Variants in ENPP3 observed in about 807,000 individuals in gnomAD.
ENPP3 encodes ectonucleotide pyrophosphatase/phosphodiesterase family member 3.
ENPP3 carries 104 observed loss-of-function variants against 117.8 expected under a neutral mutation model. The ratio of observed to expected loss-of-function variants is 0.88; its 90% CI spans 0.75 to 1.04. The LOEUF (loss-of-function observed/expected upper bound fraction) is 1.04. Among genes scored for constraint, ENPP3 ranks in the 50% least tolerant of loss-of-function variants. The pLI is 0.00. For synonymous variants in ENPP3, 380 were observed against 349.9 expected, an observed-to-expected ratio of 1.09 and a Z score of -0.96; for missense variants, 1,026 against 1,051.9, an observed-to-expected ratio of 0.98 and a Z score of 0.34.
intron 11 of ENPP3, among the ~76,000 whole-genome samples, chr6:131,679,009 C>G (rs1276871137): frequency 2.1e-4 from 18 of 86,170 alleles, no homozygotes; most frequent in South Asian, 1.3e-3. Flanking sequence ...TTGCTTCCTT[C>G]CTTCCTTCCT....
intron 21 of ENPP3, among the ~76,000 whole-genome samples, chr6:131,734,320 C>T (rs1780349840): frequency 6.6e-6 from 1 of 152,178 alleles, no homozygotes; most frequent in Non-Finnish European, 1.5e-5. Flanking sequence ...CTCTTGGGAA[C>T]CTGCCAAAGC....
At chr6:131,644,949 G>T (rs1383938714) in intron 2 of ENPP3, among the ~76,000 whole-genome samples, 3 of 152,182 alleles carry the variant, frequency 2.0e-5, no homozygotes. Context: ...AAAACGTAAA[G>T]ACCATTTATG....
rs1780419386 is a variant in ENPP3, at chr6:131,737,345, T to G, written c.2090-10T>G. On this transcript the variant is annotated splice_polypyrimidine_tract_variant and intron_variant, in intron 21 of 24. Transcript: ENST00000357639. ...ATAGCTAGATCTAATAAGATCCATT[T>G]GTTTTGCAGCCAGCAATAGAACATC... 1.3e-6 allele frequency: 2 copies of G among 1,590,716 alleles called. No homozygotes were observed. Among genetic ancestry groups the G allele is most frequent in the Non-Finnish European group, 1.7e-6 (2 of 1,161,272 alleles).
chr6:131,682,925 C>A, intron 11 of ENPP3, 129 bp from the exon 12 acceptor site: 1 of 670,096 alleles, frequency 1.5e-6, no homozygotes. Flanking sequence ...TAGTGCTGGG[C>A]TCTGAGGTTC....
rs1464069846 is a variant in ENPP3 at position 131,724,774 on chromosome 6, G to GT, written c.1798+689dup. Among the ~76,000 whole-genome samples the GT allele has an allele frequency of 2.6e-5, 4 of 152,212 alleles. No homozygotes were observed. In the East Asian group the frequency reaches 7.7e-4, roughly 29 times the overall value. On this transcript the variant is annotated intron_variant, in intron 19 of 24. Coordinates refer to ENST00000357639, the MANE Select transcript of ENPP3 (RefSeq NM_005021.5). ...ATTCCATGGCATGAATAGCCTGCAG[G>GT]TTTTTTATCCATCACTAATTGATGG...
chr6:131,649,847 C>T (rs1778225159), intron 2 of ENPP3, among the ~76,000 whole-genome samples, 180 bp from the exon 3 acceptor site: 1 of 152,166 alleles, frequency 6.6e-6, no homozygotes, highest in East Asian at 1.9e-4. Context: ...TGAGCCATGG[C>T]ACCTGGCCAT....
intron 14 of ENPP3, among the ~76,000 whole-genome samples, chr6:131,692,680 G>A (rs1183084429): frequency 6.9e-6 from 1 of 144,944 alleles, no homozygotes; most frequent in African/African-American, 2.5e-5. Context: ...ATAATATATG[G>A]TTATATATAT....
intron 6 of ENPP3, among the ~76,000 whole-genome samples, chr6:131,660,630 G>C (rs1373531162): frequency 9.2e-5 from 14 of 152,222 alleles, no homozygotes; most frequent in Admixed American, 8.5e-4. Flanking sequence ...GACATATGCA[G>C]AGTTTTAGAG....
chr6:131,684,603 C>T (rs989905495), intron 12 of ENPP3, among the ~76,000 whole-genome samples: 11 of 151,486 alleles, frequency 7.3e-5, no homozygotes, highest in South Asian at 2.1e-4. Flanking sequence ...CACTTGAACC[C>T]GGGAAGTGGA....
intron 15 of ENPP3, 46 bp downstream of exon 15, chr6:131,693,670 T>G (rs1336626224): frequency 6.3e-7 from 1 of 1,579,406 alleles, no homozygotes; most frequent in South Asian, 1.1e-5. Context: ...TAATAACCAT[T>G]TGTCATTATA....
chr6:131,746,842 G>C lies in ENPP3; in HGVS notation c.2514G>C (p.Arg838=), dbSNP rs747023862. ...AAAGATTTACAGCTCACATTGCCCG[G>C]GTCCGTGATGTAGAACTTCTCACTG... The part of the protein sequence containing the change: ...VEERFTAHIA[R]VRDVELLTGL... The change falls in exon 25 of 25, where the codon CGG becomes CGC. Residue 838 remains arginine (R), a synonymous_variant. Transcript: ENST00000357639. The C allele has an allele frequency of 5.0e-6, 8 of 1,612,888 alleles. No homozygotes were observed. The highest frequency in any genetic ancestry group is 1.3e-5 in the African/African-American group (1 of 74,852).
chr6:131,742,903 A>C (rs1562485876), intron 24 of ENPP3, among the ~76,000 whole-genome samples: 1 of 152,194 alleles, frequency 6.6e-6, no homozygotes, highest in Non-Finnish European at 1.5e-5. Flanking sequence ...GATCTCTCCA[A>C]AGTTAACAGA....
Position 131,718,749 on chromosome 6 carries a change from GC to G in ENPP3, c.1479+12del. ...TTTAGGAGCATGGAGGTAACTTACT[GC>G]TTTTTTTTTTAACTTTTATTTTAAG... On this transcript the variant is annotated intron_variant, in intron 16 of 24. Coordinates refer to ENST00000357639, the MANE Select transcript of ENPP3 (RefSeq NM_005021.5). 1 of 1,571,668 alleles carries G rather than the reference GC, an allele frequency of 6.4e-7. No individual in the cohort carries two copies. The highest frequency in any genetic ancestry group is 8.7e-7 in the Non-Finnish European group (1 of 1,150,794).
At chr6:131,667,862 CT>C (rs1778650560) in intron 6 of ENPP3, among the ~76,000 whole-genome samples, 1 of 152,154 alleles carries the variant, frequency 6.6e-6, no homozygotes, top group African/African-American at 2.4e-5. Context: ...GGTAACATCA[CT>C]CCTCTTTGCT....
At chr6:131,733,071 T>A (rs747213023) in intron 20 of ENPP3, among the ~76,000 whole-genome samples, 10 of 152,138 alleles carry the variant, frequency 6.6e-5, no homozygotes, top group Non-Finnish European at 1.2e-4. Flanking sequence ...TCATGATGAA[T>A]GAAGCATGGC....
At chr6:131,699,138 T>A (rs1479821147) in intron 15 of ENPP3, among the ~76,000 whole-genome samples, 2 of 137,968 alleles carry the variant, frequency 1.4e-5, no homozygotes, top group Non-Finnish European at 3.0e-5. Flanking sequence ...CTTAGGAGGC[T>A]GAGGCAGGAG....
chr6:131,671,199 A>G, intron 6 of ENPP3, 49 bp from the exon 7 acceptor site: 2 of 1,068,758 alleles, frequency 1.9e-6, no homozygotes, highest in Non-Finnish European at 2.9e-6. Context: ...GTTATCCAAA[A>G]AACTGAAGAA....
At chr6:131,715,675 C>T (rs1311057429) in intron 15 of ENPP3, among the ~76,000 whole-genome samples, 4 of 152,078 alleles carry the variant, frequency 2.6e-5, no homozygotes, top group African/African-American at 9.7e-5. Context: ...AGCAGCCACT[C>T]TCCTGGAGTA....
At chr6:131,688,742 TAGTG>T (rs902268601) in intron 14 of ENPP3, among the ~76,000 whole-genome samples, 1 of 151,982 alleles carries the variant, frequency 6.6e-6, no homozygotes, top group African/African-American at 2.4e-5. Flanking sequence ...AGGGGTTTGT[TAGTG>T]AGATATAAAG....
Sources: gnomAD v4.1 joint callset for allele counts (sites outside exome capture counted in the v4.1 genomes callset) on GRCh38, gnomAD v4.1.1 for gene constraint, MANE v1.5 for transcripts, NCBI Gene and HGNC (gene_info 2026-07-23, HGNC 2026-07-21) for gene names.